The following CCDC85A variants were observed in gnomAD, a reference collection of about 807,000 sequenced individuals.
The protein encoded by CCDC85A is coiled-coil domain-containing protein 85A.
Under a neutral mutation model 50.2 loss-of-function variants are expected in CCDC85A, and 38 were observed. The ratio of observed to expected loss-of-function variants is 0.76; its 90% CI spans 0.58 to 0.99. The LOEUF is 0.99. Among genes scored for constraint, CCDC85A ranks in the 50% least tolerant of loss-of-function variants. The probability of loss-of-function intolerance (pLI) is 0.00; values close to 1 mark genes in which losing one functional copy is unlikely to be tolerated. For synonymous variants in CCDC85A, 366 were observed against 301.4 expected (o/e 1.21, Z -2.22); for missense variants, 820 against 742.0 (o/e 1.11, Z -1.22).
Position 56,315,751 on chromosome 2 carries a change from A to G in CCDC85A, c.1241-27128A>G, listed in dbSNP as rs144102310. ...ATAGGTGGGATTTGTAAATTTTGCAAAGGGGTAGTGTTTAGATGGATGAAT... is the reference window on the plus strand; with the variant it reads ...ATAGGTGGGATTTGTAAATTTTGCAGAGGGGTAGTGTTTAGATGGATGAAT... On this transcript the variant is annotated intron_variant, in intron 2 of 5. Transcript: ENST00000407595. Among the ~76,000 whole-genome samples, 688 of 152,196 alleles carry G rather than the reference A, an allele frequency of 4.5e-3. 3 individuals carry two copies. Among genetic ancestry groups the G allele is most frequent in the African/African-American group, 0.015 (627 of 41,534 alleles).
chr2:56,314,204 G>A (rs1486570554), intron 2 of CCDC85A, among the ~76,000 whole-genome samples: 1 of 151,208 alleles, frequency 6.6e-6, no homozygotes, highest in Non-Finnish European at 1.5e-5. Flanking sequence ...AGAAGGCAGG[G>A]CTAAGGCATA....
chr2:56,364,119 C>G (rs755717758), intron 3 of CCDC85A, among the ~76,000 whole-genome samples: 16 of 152,084 alleles, frequency 1.1e-4, no homozygotes, highest in Non-Finnish European at 2.4e-4. Context: ...CCTATGTTTC[C>G]TAGGTATTGT....
chr2:56,275,768 A>C (rs214042), intron 2 of CCDC85A, among the ~76,000 whole-genome samples: 101,621 of 152,052 alleles, frequency 0.67, 34,285 homozygotes, highest in East Asian at 0.81. Flanking sequence ...GACCTTTATA[A>C]CTAGATTGAT....
intron 3 of CCDC85A, among the ~76,000 whole-genome samples, chr2:56,344,913 A>G (rs1018313171): frequency 1.4e-5 from 2 of 145,374 alleles, no homozygotes; most frequent in Admixed American, 6.8e-5. Context: ...AACTAATAGC[A>G]TGTATGCCAT....
intron 2 of CCDC85A, among the ~76,000 whole-genome samples, 159 bp from the exon 3 acceptor site, chr2:56,342,720 C>G (rs1214343055): frequency 6.6e-6 from 1 of 151,364 alleles, no homozygotes; most frequent in African/African-American, 2.4e-5. Flanking sequence ...GTTTCAGTGG[C>G]TTCTGTTCTT....
At chr2:56,376,251 G>A (rs1339192849) in intron 5 of CCDC85A, among the ~76,000 whole-genome samples, 1 of 152,138 alleles carries the variant, frequency 6.6e-6, no homozygotes, top group African/African-American at 2.4e-5. Context: ...GGTATTTTAT[G>A]TGCAATGTTT....
At chr2:56,375,968 C>T in intron 5 of CCDC85A, 33 bp downstream of exon 5, 4 of 1,601,906 alleles carry the variant, frequency 2.5e-6, no homozygotes, top group Non-Finnish European at 3.4e-6. Flanking sequence ...TTATCCAGAG[C>T]TTCAGTTGTG....
At chr2:56,313,066 A>C (rs529950923) in intron 2 of CCDC85A, among the ~76,000 whole-genome samples, 78 of 152,228 alleles carry the variant, frequency 5.1e-4, no homozygotes, top group African/African-American at 1.8e-3. Flanking sequence ...CATTAGATGA[A>C]CTTGTTGCCA....
At chr2:56,373,314 A>G (rs1181959920) in intron 4 of CCDC85A, among the ~76,000 whole-genome samples, 1 of 151,422 alleles carries the variant, frequency 6.6e-6, no homozygotes, top group Non-Finnish European at 1.5e-5. Flanking sequence ...ATTTCCCCCC[A>G]CTGTATACTC....
At chr2:56,236,428 T>A (rs1669019339) in intron 2 of CCDC85A, among the ~76,000 whole-genome samples, 1 of 152,094 alleles carries the variant, frequency 6.6e-6, no homozygotes, top group Admixed American at 6.5e-5. Flanking sequence ...CTATAATCCT[T>A]TTCTGACTTG....
chr2:56,341,283 A>C (rs1335060761), intron 2 of CCDC85A, among the ~76,000 whole-genome samples: 1 of 152,150 alleles, frequency 6.6e-6, no homozygotes, highest in East Asian at 1.9e-4. Flanking sequence ...GGGAAGTGGT[A>C]ATCAACAGTA....
intron 2 of CCDC85A, among the ~76,000 whole-genome samples, chr2:56,314,072 T>A (rs1402713209): frequency 4.8e-5 from 7 of 147,316 alleles, no homozygotes; most frequent in Non-Finnish European, 1.0e-4. Context: ...GAGCTAGGAG[T>A]TGAGATTGGA....
chr2:56,233,289 G>C (rs1458328899), intron 2 of CCDC85A, among the ~76,000 whole-genome samples: 1 of 152,168 alleles, frequency 6.6e-6, no homozygotes, highest in Non-Finnish European at 1.5e-5. Flanking sequence ...TGAGGGGCCA[G>C]GACTGGAACA....
At chr2:56,322,596 A>G (rs566576758) in intron 2 of CCDC85A, among the ~76,000 whole-genome samples, 21 of 152,286 alleles carry the variant, frequency 1.4e-4, no homozygotes, top group African/African-American at 4.8e-4. Context: ...ACAATGAGAT[A>G]CCATCTCACA....
chr2:56,216,371 A>G (rs1215309807), intron 2 of CCDC85A, among the ~76,000 whole-genome samples: 2 of 151,790 alleles, frequency 1.3e-5, no homozygotes, highest in African/African-American at 4.8e-5. Flanking sequence ...TGTCCTTACC[A>G]ACAACGACTA....
intron 2 of CCDC85A, among the ~76,000 whole-genome samples, chr2:56,322,069 C>T (rs984272457): frequency 7.2e-5 from 11 of 152,086 alleles, no homozygotes; most frequent in Admixed American, 1.3e-4. Flanking sequence ...ATAAATGTTG[C>T]TGGGAAAACT....
chr2:56,283,861 C>T (rs7591011), intron 2 of CCDC85A, among the ~76,000 whole-genome samples: 35,218 of 151,876 alleles, frequency 0.23, 6,220 homozygotes, highest in African/African-American at 0.5. Flanking sequence ...ATTGTTTGTG[C>T]GTTTTCTACT....
intron 2 of CCDC85A, among the ~76,000 whole-genome samples, chr2:56,210,792 A>AC (rs1194044189): frequency 6.6e-6 from 1 of 151,996 alleles, no homozygotes; most frequent in African/African-American, 2.4e-5. Flanking sequence ...TCCTAGCAGA[A>AC]CAAGGCAAAA....
chr2:56,203,151 T>C (rs1676814197), intron 2 of CCDC85A, among the ~76,000 whole-genome samples: 1 of 152,134 alleles, frequency 6.6e-6, no homozygotes. Flanking sequence ...GGTTATGGAG[T>C]CATGGGAGAA....
Sources: gnomAD v4.1 joint callset for allele counts (sites outside exome capture counted in the v4.1 genomes callset) on GRCh38, gnomAD v4.1.1 for gene constraint, MANE v1.5 for transcripts, NCBI Gene and HGNC (gene_info 2026-07-23, HGNC 2026-07-21) for gene names.